Variants in SLC9A9 observed in about 807,000 individuals in gnomAD.
SLC9A9 encodes the protein sodium/hydrogen exchanger 9.
A neutral mutation model predicts 77.8 loss-of-function variants in SLC9A9; 62 were observed. The observed-to-expected ratio is 0.80, with a 90% CI of 0.65 to 0.98. SLC9A9 has a LOEUF of 0.98. SLC9A9 is among the 50% of genes least tolerant of loss of function. The pLI, the probability that SLC9A9 is intolerant of heterozygous loss-of-function variation, is 0.00. For missense variants in SLC9A9, 775 were observed against 774.9 expected (o/e 1.00, Z 0.00); for synonymous variants, 320 against 283.5 (o/e 1.13, Z -1.29).
chr3:143,838,392 A>G (rs1167871976), intron 1 of SLC9A9, among the ~76,000 whole-genome samples: 1 of 152,166 alleles, frequency 6.6e-6, no homozygotes, highest in African/African-American at 2.4e-5. Context: ...ACAGCAGAGG[A>G]CTGGAGAGTG....
intron 9 of SLC9A9, among the ~76,000 whole-genome samples, chr3:143,511,176 C>A (rs953241066): frequency 6.6e-6 from 1 of 152,044 alleles, no homozygotes; most frequent in Non-Finnish European, 1.5e-5. Context: ...TGGGGGTGGG[C>A]GGATGATCAC....
At chr3:143,410,570 G>C (rs537717558) in intron 12 of SLC9A9, among the ~76,000 whole-genome samples, 1 of 152,228 alleles carries the variant, frequency 6.6e-6, no homozygotes, top group East Asian at 1.9e-4. Flanking sequence ...TCTTCATTTT[G>C]ATCCTGCTGC....
intron 12 of SLC9A9, among the ~76,000 whole-genome samples, chr3:143,462,833 A>G (rs1443567596): frequency 6.6e-6 from 1 of 152,182 alleles, no homozygotes; most frequent in Non-Finnish European, 1.5e-5. Flanking sequence ...AAGCTCATTT[A>G]TTCAGGGTGC....
At chr3:143,529,693 G>A (rs1057473305) in intron 9 of SLC9A9, among the ~76,000 whole-genome samples, 3 of 152,080 alleles carry the variant, frequency 2.0e-5, no homozygotes, top group Non-Finnish European at 4.4e-5. Flanking sequence ...GTTAGATACC[G>A]AGTATTTTGT....
chr3:143,270,801 T>C (rs1301789566), intron 14 of SLC9A9, among the ~76,000 whole-genome samples: 1 of 152,204 alleles, frequency 6.6e-6, no homozygotes, highest in Admixed American at 6.5e-5. Flanking sequence ...AAGTTTAGGA[T>C]TGTGTAATGA....
intron 14 of SLC9A9, 55 bp downstream of exon 14, chr3:143,363,429 A>G: frequency 6.6e-7 from 1 of 1,519,438 alleles, no homozygotes; most frequent in Non-Finnish European, 9.1e-7. Context: ...TTAAGAGCTT[A>G]AAGTAATTCT....
At chr3:143,485,882 AG>A (rs2035646109) in intron 11 of SLC9A9, among the ~76,000 whole-genome samples, 1 of 152,110 alleles carries the variant, frequency 6.6e-6, no homozygotes, top group Admixed American at 6.6e-5. Flanking sequence ...TTAAAAAAAA[AG>A]ATATATGAAC....
intron 4 of SLC9A9, among the ~76,000 whole-genome samples, chr3:143,742,053 A>G (rs1342909104): frequency 6.6e-6 from 1 of 152,068 alleles, no homozygotes; most frequent in Middle Eastern, 3.2e-3. Context: ...GCTAGAGGCT[A>G]CAAGATTCTG....
intron 4 of SLC9A9, among the ~76,000 whole-genome samples, chr3:143,715,089 G>T (rs1934301434): frequency 6.6e-6 from 1 of 152,214 alleles, no homozygotes. Flanking sequence ...GGTCTCTCCA[G>T]CCAAGTGGAA....
chr3:143,598,680 T>C (rs1365952680), intron 6 of SLC9A9, among the ~76,000 whole-genome samples: 1 of 152,232 alleles, frequency 6.6e-6, no homozygotes, highest in Non-Finnish European at 1.5e-5. Context: ...TGAAGTCCCG[T>C]GGCCTCCTAC....
At chr3:143,314,048 G>A (rs1306191857) in intron 14 of SLC9A9, among the ~76,000 whole-genome samples, 1 of 152,174 alleles carries the variant, frequency 6.6e-6, no homozygotes, top group Non-Finnish European at 1.5e-5. Context: ...CACTGTGCCT[G>A]TGCCCACCTG....
At chr3:143,372,194 C>G (rs760113640) in intron 13 of SLC9A9, among the ~76,000 whole-genome samples, 11 of 152,108 alleles carry the variant, frequency 7.2e-5, no homozygotes, top group Non-Finnish European at 1.6e-4. Flanking sequence ...TACCGTTTTT[C>G]ACAGAATTAG....
intron 4 of SLC9A9, among the ~76,000 whole-genome samples, chr3:143,736,752 C>T (rs1250058492): frequency 3.3e-5 from 5 of 152,024 alleles, no homozygotes; most frequent in East Asian, 1.9e-4. Flanking sequence ...CATATGAAGG[C>T]GAGGGTAGTT....
chr3:143,772,468 G>T lies in SLC9A9; in HGVS notation c.533+22533C>A, dbSNP rs1440132442. On this transcript the variant is annotated intron_variant, in intron 4 of 15. Coordinates refer to ENST00000316549, the MANE Select transcript of SLC9A9 (RefSeq NM_173653.4). ...CAAGTACAGATATTTGGGAAGGAAG[G>T]TTCTAGTTAGAAGTGCCTCAAATTC... Among the ~76,000 whole-genome samples the T allele has an allele frequency of 2.0e-5, 3 of 152,198 alleles. No homozygotes were observed. In the East Asian group the frequency reaches 5.8e-4, roughly 29 times the overall value.
intron 5 of SLC9A9, among the ~76,000 whole-genome samples, chr3:143,687,448 C>T (rs16854061): frequency 6.1e-4 from 93 of 152,122 alleles, no homozygotes; most frequent in African/African-American, 2.2e-3. Context: ...GTGGGTTCGG[C>T]ATGTTTTAAT....
chr3:143,774,227 C>T (rs768990567), intron 4 of SLC9A9, among the ~76,000 whole-genome samples: 3 of 152,202 alleles, frequency 2.0e-5, no homozygotes, highest in Non-Finnish European at 4.4e-5. Flanking sequence ...AGGCCAACCA[C>T]GTCACCTTTC....
chr3:143,407,474 GTTA>G (rs371383891), intron 12 of SLC9A9, among the ~76,000 whole-genome samples: 1 of 152,252 alleles, frequency 6.6e-6, no homozygotes, highest in African/African-American at 2.4e-5. Flanking sequence ...TTCTTATCCA[GTTA>G]TTGAATAAAA....
chr3:143,801,389 G>A (rs1466456190), intron 2 of SLC9A9, among the ~76,000 whole-genome samples: 2 of 152,040 alleles, frequency 1.3e-5, no homozygotes, highest in African/African-American at 2.4e-5. Context: ...TACAGCTCTC[G>A]TAACTTCCAA....
chr3:143,716,163 C>G (rs1265113826), intron 4 of SLC9A9, among the ~76,000 whole-genome samples: 2 of 152,136 alleles, frequency 1.3e-5, no homozygotes, highest in African/African-American at 4.8e-5. Flanking sequence ...TAGCCTTGAC[C>G]TCCTGGGCTC....
Sources: gnomAD v4.1 joint callset for allele counts (sites outside exome capture counted in the v4.1 genomes callset) on GRCh38, gnomAD v4.1.1 for gene constraint, MANE v1.5 for transcripts, NCBI Gene and HGNC (gene_info 2026-07-23, HGNC 2026-07-21) for gene names.